Variants in DNAJB4 observed in about 807,000 individuals in gnomAD.
DNAJB4 encodes DnaJ heat shock protein family (Hsp40) member B4.
In DNAJB4, 10 loss-of-function variants were observed where a neutral mutation model predicts 26.6. The ratio of observed to expected loss-of-function variants is 0.38; its 90% confidence interval spans 0.23 to 0.64. The LOEUF is 0.64. DNAJB4 is among the 30% of genes least tolerant of loss of function. The probability of loss-of-function intolerance (pLI) is 0.58; values close to 1 mark genes in which losing one functional copy is unlikely to be tolerated. For synonymous variants in DNAJB4, 136 were observed against 134.8 expected (o/e 1.01, Z -0.06); for missense variants, 328 against 408.2 (o/e 0.80, Z 1.69).
chr1:77,984,532 A>G (rs958710987), intron 1 of DNAJB4, among the ~76,000 whole-genome samples: 11 of 152,178 alleles, frequency 7.2e-5, no homozygotes, highest in South Asian at 2.1e-4. Context: ...TACACAAAAC[A>G]TATTTAATAT....
rs555798021 is a variant in DNAJB4 at position 78,014,941 on chromosome 1, C to T, written c.781-1073C>T. Among the ~76,000 whole-genome samples, 12 of 152,242 alleles carry T rather than the reference C, an allele frequency of 7.9e-5. No individual in the cohort carries two copies. The South Asian group carries it at 2.5e-3, about 32-fold the overall frequency. ...TTATCTTGTATACTTGAGCTGTACT[C>T]TATGGAACACTATTGTTTCTTACCC... is the stretch of plus-strand genomic sequence containing the variant. On this transcript the variant is annotated intron_variant, in intron 2 of 2. Coordinates refer to ENST00000370763, the MANE Select transcript of DNAJB4 (RefSeq NM_007034.5).
intron 1 of DNAJB4, among the ~76,000 whole-genome samples, chr1:78,008,923 C>T (rs887652297): frequency 9.2e-5 from 14 of 152,094 alleles, no homozygotes; most frequent in Non-Finnish European, 1.8e-4. Context: ...TTTTCAATAA[C>T]ACATCCTCAT....
chr1:77,999,921 GAT>G (rs1340083043), intron 1 of DNAJB4, among the ~76,000 whole-genome samples: 1 of 152,164 alleles, frequency 6.6e-6, no homozygotes, highest in African/African-American at 2.4e-5. Context: ...GTACGACTGA[GAT>G]ATGTGAGGCA....
chr1:77,980,440 C>T (rs911455408), intron 1 of DNAJB4: 2 of 151,842 alleles, frequency 1.3e-5, no homozygotes, highest in African/African-American at 4.8e-5. Context: ...CAGACCTTCT[C>T]CAACATATCG....
chr1:77,984,844 A>G (rs958821387), intron 1 of DNAJB4, among the ~76,000 whole-genome samples: 2 of 152,236 alleles, frequency 1.3e-5, no homozygotes, highest in East Asian at 1.9e-4. Context: ...TTTTCTTAGA[A>G]TATCAGTCTT....
intron 1 of DNAJB4, among the ~76,000 whole-genome samples, chr1:78,008,499 T>G (rs920530163): frequency 2.0e-5 from 3 of 152,124 alleles, no homozygotes; most frequent in Non-Finnish European, 4.4e-5. Context: ...AGACTATATA[T>G]TGTATGATTT....
chr1:78,000,221 T>C (rs1250909423), upstream of DNAJB4, among the ~76,000 whole-genome samples: 1 of 152,174 alleles, frequency 6.6e-6, no homozygotes, highest in African/African-American at 2.4e-5. Flanking sequence ...AAAAAAAATT[T>C]TCAAGTTCAT....
At chr1:78,011,704 G>A (rs904222405) in intron 1 of DNAJB4, among the ~76,000 whole-genome samples, 3 of 151,670 alleles carry the variant, frequency 2.0e-5, no homozygotes, top group Non-Finnish European at 4.4e-5. Context: ...GGCTGGTCTC[G>A]AACTCCTGAT....
At chr1:78,004,340 A>AT (rs1232433591), upstream of DNAJB4, 5 of 152,220 alleles carry the variant, frequency 3.3e-5, no homozygotes, top group Non-Finnish European at 7.3e-5. Flanking sequence ...AATCATGTTT[A>AT]AGTCCTTTAC....
At chr1:77,993,951 A>G (rs1397831192) in intron 1 of DNAJB4, among the ~76,000 whole-genome samples, 2 of 152,226 alleles carry the variant, frequency 1.3e-5, no homozygotes, top group Non-Finnish European at 2.9e-5. Context: ...GGGCTTATTT[A>G]TATAAATGTT....
intron 1 of DNAJB4, among the ~76,000 whole-genome samples, chr1:77,988,044 C>T (rs1054200302): frequency 1.6e-5 from 2 of 128,864 alleles, no homozygotes; most frequent in Non-Finnish European, 3.2e-5. Flanking sequence ...CCCCCCCCCC[C>T]AGACAGTGTC....
chr1:77,983,645 G>A (rs563988709), intron 1 of DNAJB4, among the ~76,000 whole-genome samples: 2 of 152,148 alleles, frequency 1.3e-5, no homozygotes, highest in African/African-American at 2.4e-5. Context: ...ATCTTGCACC[G>A]CCCTTAATCC....
upstream of DNAJB4, among the ~76,000 whole-genome samples, chr1:78,003,649 ATC>A (rs1164165480): frequency 2.4e-4 from 37 of 152,214 alleles, no homozygotes; most frequent in African/African-American, 8.7e-4. Flanking sequence ...TTTCTTATTT[ATC>A]TCTCTAATAG....
chr1:77,995,981 A>T (rs920787035), intron 1 of DNAJB4, among the ~76,000 whole-genome samples: 1 of 152,202 alleles, frequency 6.6e-6, no homozygotes, highest in African/African-American at 2.4e-5. Context: ...AACTCTTTAA[A>T]TTATTTCAAA....
chr1:77,995,437 A>C (rs1011800356), intron 1 of DNAJB4, among the ~76,000 whole-genome samples: 13 of 152,234 alleles, frequency 8.5e-5, no homozygotes, highest in African/African-American at 2.6e-4. Flanking sequence ...CTCTTTTTAA[A>C]ATTTTTTGGC....
intron 1 of DNAJB4, chr1:77,980,339 A>ATATATGTGTGTG (rs1477495217): frequency 1.6e-5 from 2 of 126,072 alleles, no homozygotes; most frequent in African/African-American, 7.8e-5. Context: ...ATATATATAT[A>ATATATGTGTGTG]TGTGTGTGTG....
upstream of DNAJB4, among the ~76,000 whole-genome samples, chr1:78,002,876 T>C (rs1327176895): frequency 3.9e-5 from 6 of 152,178 alleles, no homozygotes; most frequent in Non-Finnish European, 8.8e-5. Flanking sequence ...TTTCAGTGTC[T>C]AGGGAGCCAG....
At position 77,997,483 on chromosome 1, in the gene DNAJB4, C is replaced by T. The variant is rs189826512; in HGVS notation, c.-31-7597C>T. ...TGACAATGCCACTGCACTCCAGCCT[C>T]GGTGACAGTAAAACCCTGTCTCCAT... On this transcript the variant is annotated intron_variant, in intron 1 of 2. Transcript: ENST00000426517. Among the ~76,000 whole-genome samples the T allele has an allele frequency of 6.6e-5, 10 of 151,980 alleles. No individual in the cohort carries two copies. The East Asian group carries it at 7.7e-4, about 12-fold the overall frequency.
At chr1:77,993,766 A>G (rs1659995979) in intron 1 of DNAJB4, among the ~76,000 whole-genome samples, 1 of 152,184 alleles carries the variant, frequency 6.6e-6, no homozygotes, top group South Asian at 2.1e-4. Context: ...TATATTTTTG[A>G]AATATTAATA....
Sources: gnomAD v4.1 joint callset for allele counts (sites outside exome capture counted in the v4.1 genomes callset) on GRCh38, gnomAD v4.1.1 for gene constraint, MANE v1.5 for transcripts, NCBI Gene and HGNC (gene_info 2026-07-23, HGNC 2026-07-21) for gene names.